The following SGCZ variants were observed in gnomAD, a reference collection of about 807,000 sequenced individuals.
SGCZ encodes the protein sarcoglycan zeta, also known as zeta-sarcoglycan.
In SGCZ, 40 loss-of-function variants were observed where a neutral mutation model predicts 41.3. The observed-to-expected ratio is 0.97, with a 90% CI of 0.75 to 1.26. The LOEUF (loss-of-function observed/expected upper bound fraction) is 1.26, where lower values mean the gene tolerates loss of function less well. Ranked by LOEUF, SGCZ falls within the 50% of genes most tolerant of loss-of-function variation. SGCZ has a pLI of 0.00. For missense variants in SGCZ, 552 were observed against 369.8 expected (o/e 1.49, Z -4.04); for synonymous variants, 206 against 137.5 (o/e 1.50, Z -3.49).
At chr8:15,060,199 G>A (rs892835531) in intron 1 of SGCZ, among the ~76,000 whole-genome samples, 8 of 152,072 alleles carry the variant, frequency 5.3e-5, no homozygotes, top group East Asian at 1.9e-4. Context: ...AATTCACACT[G>A]CTATAAAGAC....
chr8:15,069,493 A>AT (rs1646244224), intron 1 of SGCZ, among the ~76,000 whole-genome samples: 1 of 152,018 alleles, frequency 6.6e-6, no homozygotes, highest in Admixed American at 6.6e-5. Context: ...ATTTGCTTTC[A>AT]TTTTTTTCCT....
intron 1 of SGCZ, among the ~76,000 whole-genome samples, chr8:14,793,982 G>C (rs959907586): frequency 6.6e-6 from 1 of 151,992 alleles, no homozygotes; most frequent in Non-Finnish European, 1.5e-5. Context: ...TCCTCCAAAA[G>C]AAGAAACCAA....
intron 4 of SGCZ, among the ~76,000 whole-genome samples, chr8:14,186,952 A>G (rs1480771640): frequency 3.3e-5 from 5 of 152,202 alleles, no homozygotes; most frequent in Non-Finnish European, 7.3e-5. Flanking sequence ...ATTTAACTGC[A>G]TCAGTCCATG....
chr8:14,990,736 G>C (rs1321811225), intron 1 of SGCZ, among the ~76,000 whole-genome samples: 1 of 152,066 alleles, frequency 6.6e-6, no homozygotes, highest in African/African-American at 2.4e-5. Context: ...CAAGGTACTT[G>C]AATCATCCCA....
At chr8:14,285,237 G>A (rs11774378) in intron 3 of SGCZ, among the ~76,000 whole-genome samples, 32,398 of 151,784 alleles carry the variant, frequency 0.21, 3,636 homozygotes, top group East Asian at 0.3. Context: ...TCATTCTTCT[G>A]GAGGCTTCAG....
intron 1 of SGCZ, among the ~76,000 whole-genome samples, chr8:15,220,057 C>A (rs150871662): frequency 1.6e-4 from 25 of 152,188 alleles, no homozygotes; most frequent in African/African-American, 6.0e-4. Flanking sequence ...ATACATATAA[C>A]TAACAGATAT....
rs555320558 is a variant in SGCZ at position 14,103,530 on chromosome 8, T to C, written c.621-1031A>G. ...GAGTTGTTTTGCAGAAAGAACCACCTCAAATGGTTAGGTCTCTGGAGTTCA... is the reference window on the plus strand; with the variant it reads ...GAGTTGTTTTGCAGAAAGAACCACCCCAAATGGTTAGGTCTCTGGAGTTCA... On this transcript the variant is annotated intron_variant, in intron 6 of 7. Transcript: ENST00000382080. 1.6e-4 allele frequency among the ~76,000 whole-genome samples: 24 copies of C among 152,238 alleles called. No homozygotes were observed. The East Asian group carries it at 3.3e-3, about 21-fold the overall frequency.
intron 2 of SGCZ, among the ~76,000 whole-genome samples, chr8:14,456,064 G>C (rs1000423758): frequency 6.6e-6 from 1 of 152,176 alleles, no homozygotes; most frequent in East Asian, 1.9e-4. Context: ...AGATCATGGT[G>C]ACGCTTGCAC....
At chr8:14,211,024 G>T (rs1401710881) in intron 4 of SGCZ, among the ~76,000 whole-genome samples, 1 of 152,118 alleles carries the variant, frequency 6.6e-6, no homozygotes, top group Non-Finnish European at 1.5e-5. Flanking sequence ...ACAAATAGCT[G>T]GGAGATTCTT....
intron 1 of SGCZ, among the ~76,000 whole-genome samples, chr8:14,846,151 A>G (rs558134350): frequency 2.0e-5 from 3 of 152,316 alleles, no homozygotes; most frequent in African/African-American, 7.2e-5. Flanking sequence ...TCAGTACATA[A>G]CAGACCAGAA....
intron 2 of SGCZ, among the ~76,000 whole-genome samples, chr8:14,404,087 T>C (rs970977370): frequency 4.6e-5 from 7 of 152,058 alleles, no homozygotes; most frequent in Non-Finnish European, 1.0e-4. Context: ...GAATAGACAA[T>C]ATGAGATTAG....
chr8:14,180,914 A>G (rs1804701259), intron 4 of SGCZ, among the ~76,000 whole-genome samples: 1 of 151,746 alleles, frequency 6.6e-6, no homozygotes, highest in African/African-American at 2.4e-5. Flanking sequence ...AGACTACCAG[A>G]AGGGAGGTGG....
At chr8:14,691,655 G>T (rs938454012) in intron 1 of SGCZ, among the ~76,000 whole-genome samples, 5 of 151,934 alleles carry the variant, frequency 3.3e-5, no homozygotes, top group Admixed American at 6.6e-5. Flanking sequence ...AGTAGAAATA[G>T]TTCCATAAAT....
chr8:14,102,896 A>G (rs935003831), intron 6 of SGCZ, among the ~76,000 whole-genome samples: 2 of 152,160 alleles, frequency 1.3e-5, no homozygotes, highest in African/African-American at 4.8e-5. Flanking sequence ...TTTAATAAAA[A>G]ATTTACAGTT....
chr8:14,760,626 A>T (rs1799835342), intron 1 of SGCZ, among the ~76,000 whole-genome samples: 3 of 152,230 alleles, frequency 2.0e-5, no homozygotes, highest in African/African-American at 7.2e-5. Flanking sequence ...TGAATCATTA[A>T]AAATTTACCT....
intron 3 of SGCZ, chr8:14,309,547 T>C: frequency 6.2e-7 from 1 of 1,610,502 alleles, no homozygotes; most frequent in African/African-American, 1.3e-5. Context: ...AAGAAGCTGT[T>C]ACACATACAG....
intron 1 of SGCZ, among the ~76,000 whole-genome samples, chr8:15,229,398 G>A (rs1264124106): frequency 6.6e-6 from 1 of 152,168 alleles, no homozygotes; most frequent in Non-Finnish European, 1.5e-5. Context: ...AGGAATTAAA[G>A]ATACAGGTAT....
chr8:14,144,161 C>T (rs1474873551), intron 5 of SGCZ, among the ~76,000 whole-genome samples: 1 of 152,098 alleles, frequency 6.6e-6, no homozygotes, highest in Admixed American at 6.5e-5. Flanking sequence ...CCGGGACAGC[C>T]AAGGTAATAC....
intron 2 of SGCZ, among the ~76,000 whole-genome samples, chr8:14,438,372 G>T (rs969439778): frequency 6.6e-6 from 1 of 151,834 alleles, no homozygotes; most frequent in Non-Finnish European, 1.5e-5. Flanking sequence ...AGACATGTTG[G>T]TCTTAGACGT....
Sources: allele counts gnomAD v4.1 joint callset (sites outside exome capture counted in the v4.1 genomes callset), GRCh38; gene constraint gnomAD v4.1.1; transcripts MANE v1.5; gene names NCBI Gene and HGNC (gene_info 2026-07-23, HGNC 2026-07-21).